The following OXR1 variants were observed in gnomAD, a reference collection of about 807,000 sequenced individuals.
OXR1 encodes the protein oxidation resistance protein 1.
OXR1 carries 41 observed loss-of-function variants against 104.6 expected under a neutral mutation model. That is an observed-to-expected ratio of 0.39 (90% CI 0.31 to 0.51). The LOEUF is 0.51. Ranked by LOEUF, OXR1 falls within the 20% of genes least tolerant of loss-of-function variation. The pLI is 0.77. For synonymous variants in OXR1, 348 were observed against 348.4 expected (o/e 1.00, Z 0.01); for missense variants, 955 against 1,031.9 (o/e 0.93, Z 1.02).
chr8:106,718,790 G>T (rs112310221), intron 11 of OXR1, among the ~76,000 whole-genome samples: 3 of 148,866 alleles, frequency 2.0e-5, no homozygotes, highest in African/African-American at 7.5e-5. Context: ...AGTGAGCCAA[G>T]ATCATGCCAC....
At chr8:106,367,833 T>A (rs1176426869) in intron 2 of OXR1, among the ~76,000 whole-genome samples, 1 of 152,056 alleles carries the variant, frequency 6.6e-6, no homozygotes, top group African/African-American at 2.4e-5. Flanking sequence ...ACTATACAAC[T>A]TTTAGAGGAA....
At chr8:106,676,351 T>C (rs1827591841) in intron 3 of OXR1, among the ~76,000 whole-genome samples, 1 of 152,162 alleles carries the variant, frequency 6.6e-6, no homozygotes, top group Non-Finnish European at 1.5e-5. Flanking sequence ...CCTGTCATGA[T>C]GTTAGCTGGT....
At chr8:106,499,364 G>C (rs1157141828) in intron 2 of OXR1, among the ~76,000 whole-genome samples, 1 of 152,056 alleles carries the variant, frequency 6.6e-6, no homozygotes. Flanking sequence ...AGTTGATGAG[G>C]GTCCTCCTAA....
intron 3 of OXR1, among the ~76,000 whole-genome samples, chr8:106,638,505 G>A (rs966896929): frequency 6.6e-6 from 1 of 152,174 alleles, no homozygotes; most frequent in Admixed American, 6.5e-5. Context: ...CTGGATTTGA[G>A]GTGGGGCCTG....
intron 1 of OXR1, among the ~76,000 whole-genome samples, chr8:106,296,901 G>T (rs1462447223): frequency 6.6e-6 from 1 of 152,172 alleles, no homozygotes; most frequent in Non-Finnish European, 1.5e-5. Flanking sequence ...GAACTGAATT[G>T]GTAACAGATG....
chr8:106,658,044 A>G, intron 3 of OXR1: 1 of 1,248,572 alleles, frequency 8.0e-7, no homozygotes, highest in Non-Finnish European at 1.0e-6. Context: ...GGGCACGGCC[A>G]ACCGCCTGTT....
intron 15 of OXR1, among the ~76,000 whole-genome samples, chr8:106,743,220 A>G (rs1037575368): frequency 6.6e-6 from 1 of 152,206 alleles, no homozygotes; most frequent in Admixed American, 6.5e-5. Flanking sequence ...TATCAAAACC[A>G]CAATGAGGTA....
At chr8:106,691,723 G>C (rs921794920) in intron 6 of OXR1, among the ~76,000 whole-genome samples, 6 of 150,134 alleles carry the variant, frequency 4.0e-5, no homozygotes, top group Non-Finnish European at 1.5e-5. Context: ...AAAATTTGTT[G>C]ATAGCTTTTT....
At chr8:106,480,719 C>T (rs1822063389) in intron 2 of OXR1, among the ~76,000 whole-genome samples, 1 of 151,926 alleles carries the variant, frequency 6.6e-6, no homozygotes, top group Non-Finnish European at 1.5e-5. Flanking sequence ...CCGCCAATCA[C>T]CAGCCATGTA....
At chr8:106,701,124 C>T (rs557405551) in intron 7 of OXR1, among the ~76,000 whole-genome samples, 12 of 152,024 alleles carry the variant, frequency 7.9e-5, no homozygotes, top group Non-Finnish European at 1.6e-4. Context: ...GTGTATGGAT[C>T]TCATTAAAAT....
chr8:106,588,232 T>C (rs1033284715), intron 3 of OXR1, among the ~76,000 whole-genome samples: 1 of 152,074 alleles, frequency 6.6e-6, no homozygotes, highest in Non-Finnish European at 1.5e-5. Context: ...GTGCTGGAAT[T>C]ACAGGCATGA....
At chr8:106,602,650 G>A (rs1380384911) in intron 3 of OXR1, among the ~76,000 whole-genome samples, 1 of 152,034 alleles carries the variant, frequency 6.6e-6, no homozygotes. Flanking sequence ...TAGAAGTTAG[G>A]TGAACTTCAT....
intron 2 of OXR1, among the ~76,000 whole-genome samples, chr8:106,511,049 G>A (rs1409406844): frequency 1.3e-5 from 2 of 152,208 alleles, no homozygotes; most frequent in Non-Finnish European, 2.9e-5. Context: ...TGCAATTACT[G>A]AGTGGGCTAG....
chr8:106,715,470 T>TA (rs1256789547), intron 11 of OXR1, among the ~76,000 whole-genome samples: 1 of 149,890 alleles, frequency 6.7e-6, no homozygotes, highest in African/African-American at 2.4e-5. Flanking sequence ...TACATCTATG[T>TA]CCCTGAGCTG....
At chr8:106,490,127 T>C (rs1810979141) in intron 2 of OXR1, among the ~76,000 whole-genome samples, 2 of 152,142 alleles carry the variant, frequency 1.3e-5, no homozygotes, top group South Asian at 4.1e-4. Flanking sequence ...CCTTTCCCCT[T>C]CACCAGCCAT....
intron 3 of OXR1, among the ~76,000 whole-genome samples, chr8:106,632,675 A>G (rs554079311): frequency 6.6e-6 from 1 of 152,278 alleles, no homozygotes; most frequent in Admixed American, 6.5e-5. Flanking sequence ...CCTGTCATAC[A>G]ATTTTTACTT....
intron 2 of OXR1, among the ~76,000 whole-genome samples, chr8:106,423,203 A>T (rs1276166888): frequency 2.0e-5 from 3 of 152,202 alleles, no homozygotes; most frequent in African/African-American, 7.2e-5. Flanking sequence ...ATATTAACAG[A>T]GAAAAACATT....
At chr8:106,389,140 C>A (rs1377665060) in intron 2 of OXR1, among the ~76,000 whole-genome samples, 1 of 152,084 alleles carries the variant, frequency 6.6e-6, no homozygotes, top group African/African-American at 2.4e-5. Flanking sequence ...TATTATAACC[C>A]AGAGTAATAA....
intron 2 of OXR1, among the ~76,000 whole-genome samples, chr8:106,415,174 A>G (rs1346941858): frequency 2.6e-5 from 4 of 152,288 alleles, no homozygotes; most frequent in Non-Finnish European, 5.9e-5. Flanking sequence ...TAACAGTGCC[A>G]TAATTTACTT....
Sources: gnomAD v4.1 joint callset for allele counts (sites outside exome capture counted in the v4.1 genomes callset) on GRCh38, gnomAD v4.1.1 for gene constraint, MANE v1.5 for transcripts, NCBI Gene and HGNC (gene_info 2026-07-23, HGNC 2026-07-21) for gene names.